The following USP42 variants were observed in gnomAD, a reference collection of about 807,000 sequenced individuals.
USP42 encodes the protein ubiquitin specific peptidase 42.
In USP42, 23 loss-of-function variants were observed where a neutral mutation model predicts 113.0. That is an observed-to-expected ratio of 0.20 (90% CI 0.15 to 0.29). USP42 has a LOEUF of 0.29. Among genes scored for constraint, USP42 ranks in the 10% least tolerant of loss-of-function variants. USP42 has a pLI of 1.00. For synonymous variants in USP42, 933 were observed against 699.0 expected (o/e 1.33, Z -5.28); for missense variants, 2,174 against 1,779.8 (o/e 1.22, Z -3.99).
At chr7:6,124,709 T>A (rs892523582) in intron 3 of USP42, among the ~76,000 whole-genome samples, 2 of 152,036 alleles carry the variant, frequency 1.3e-5, no homozygotes, top group African/African-American at 4.8e-5. Context: ...CATCTTGCTA[T>A]TTTTTTTCCT....
intron 14 of USP42, among the ~76,000 whole-genome samples, chr7:6,152,264 A>C (rs10253805): frequency 1.3e-3 from 194 of 152,194 alleles, no homozygotes; most frequent in South Asian, 1.7e-3. Context: ...GCGCGGGTTC[A>C]TCATCAGGAA....
upstream of USP42, among the ~76,000 whole-genome samples, chr7:6,100,699 T>TTTTTTA (rs1790098486): frequency 6.7e-6 from 1 of 148,898 alleles, no homozygotes; most frequent in Admixed American, 6.7e-5. Flanking sequence ...TTTTTTTTTT[T>TTTTTTA]GAGACGGGAG....
intron 6 of USP42, 123 bp downstream of exon 6, chr7:6,140,318 A>C: frequency 4.4e-6 from 4 of 906,914 alleles, no homozygotes; most frequent in Non-Finnish European, 3.4e-6. Flanking sequence ...CCAGATTCTC[A>C]TTCCTTTTAC....
intron 3 of USP42, among the ~76,000 whole-genome samples, chr7:6,117,701 A>T (rs1018810647): frequency 1.3e-5 from 2 of 152,048 alleles, no homozygotes; most frequent in African/African-American, 4.8e-5. Context: ...CCTTCCCAAT[A>T]CTTGGTGGGG....
Position 6,150,418 on chromosome 7 carries a change from C to G in USP42, c.2113C>G (p.Pro705Ala). The G allele has an allele frequency of 1.2e-6, 2 of 1,613,842 alleles. No homozygotes were observed. Among genetic ancestry groups the G allele is most frequent in the Non-Finnish European group, 1.7e-6 (2 of 1,179,792 alleles). ...KANGLPGKLM[P>A]APLLSLPEDK... ...ATTTTTGTTTTTATTGCAGTTGATG[C>G]CTGCTCCTTTGCTGTCTCTCCCAGA... The change falls in exon 14 of 18, where the codon CCT becomes GCT. Residue 705 changes from proline to alanine, a missense_variant. By Grantham distance (27) the Pro-to-Ala change is conservative. Transcript: ENST00000306177.
intron 3 of USP42, among the ~76,000 whole-genome samples, chr7:6,120,433 G>T (rs1348701545): frequency 6.6e-6 from 1 of 152,104 alleles, no homozygotes; most frequent in Non-Finnish European, 1.5e-5. Context: ...AGTAGAGATG[G>T]GGTTTCACAG....
intron 9 of USP42, among the ~76,000 whole-genome samples, chr7:6,145,243 A>G (rs1355128492): frequency 2.0e-5 from 3 of 151,950 alleles, no homozygotes; most frequent in Admixed American, 6.5e-5. Context: ...AGGCAGGACA[A>G]TCACTTGAAC....
chr7:6,101,198 G>A (rs1790117998), upstream of USP42, among the ~76,000 whole-genome samples: 1 of 150,988 alleles, frequency 6.6e-6, no homozygotes. Context: ...TATAAGCAGC[G>A]AACACCACAG....
chr7:6,155,062 A>T lies in USP42; in HGVS notation c.3508A>T (p.Ser1170Cys). Residue 1170 changes from serine to cysteine, a missense_variant, in exon 15 of 18, where the codon AGT becomes TGT. Transcript: ENST00000306177. ...RKRRHDSVEN[S>C]DSHVEKKARR... ...ACGGAGACACGACAGTGTGGAGAACAGTGACAGTCATGTTGAAAAGAAAGC... is the reference window on the plus strand; with the variant it reads ...ACGGAGACACGACAGTGTGGAGAACTGTGACAGTCATGTTGAAAAGAAAGC... 6.4e-7 allele frequency: 1 copy of T among 1,563,510 alleles called. No individual in the cohort carries two copies. Among genetic ancestry groups the T allele is most frequent in the Non-Finnish European group, 8.7e-7 (1 of 1,153,970 alleles).
At chr7:6,138,056 A>G (rs1583642907) in intron 4 of USP42, among the ~76,000 whole-genome samples, 3 of 152,160 alleles carry the variant, frequency 2.0e-5, no homozygotes, top group African/African-American at 7.2e-5. Context: ...AGAAAATGTC[A>G]TTGCTCTGTG....
intron 1 of USP42, 77 bp downstream of exon 1, chr7:6,105,109 C>A (rs1346001196): frequency 6.8e-6 from 1 of 147,262 alleles, no homozygotes; most frequent in East Asian, 2.0e-4. Flanking sequence ...TGGGCCGCCG[C>A]TGGCTCGGCC....
intron 1 of USP42, among the ~76,000 whole-genome samples, chr7:6,110,677 T>C (rs1006226270): frequency 6.6e-6 from 1 of 152,206 alleles, no homozygotes; most frequent in African/African-American, 2.4e-5. Context: ...ATTTTTTCTG[T>C]GTAGTTGATG....
Position 6,154,091 on chromosome 7 carries a change from C to G in USP42, c.2537C>G (p.Ser846Trp). 1.2e-6 allele frequency: 2 copies of G among 1,605,086 alleles called. No individual in the cohort carries two copies. The highest frequency in any genetic ancestry group is 1.7e-6 in the Non-Finnish European group (2 of 1,178,774). ...ATGATCGCGGAGGGCCCGCGGGACT[C>G]GGCGTTGGCGGAAGCCCCGGAAGGG... ...KGMIAEGPRDSALAEAPEGLS... is the reference protein window; with the variant it reads ...KGMIAEGPRDWALAEAPEGLS... Residue 846 changes from serine to tryptophan, a missense_variant, in exon 15 of 18, where the codon TCG (serine) becomes TGG (tryptophan). By Grantham distance (177) the Ser-to-Trp change is radical. Coordinates refer to ENST00000306177, the MANE Select transcript of USP42 (RefSeq NM_032172.3).
intron 3 of USP42, among the ~76,000 whole-genome samples, chr7:6,123,479 C>T (rs562360820): frequency 2.6e-5 from 4 of 152,030 alleles, no homozygotes; most frequent in African/African-American, 7.2e-5. Flanking sequence ...CTGGCTAACA[C>T]GGTGAAACCC....
At chr7:6,142,873 G>C in intron 7 of USP42, 59 bp from the exon 8 acceptor site, 1 of 1,567,556 alleles carries the variant, frequency 6.4e-7, no homozygotes, top group Non-Finnish European at 8.8e-7. Context: ...GGCAGGGCAA[G>C]ACCCAAACAC....
the USP42 span, among the ~76,000 whole-genome samples, chr7:6,091,277 T>A: frequency 6.6e-6 from 1 of 150,760 alleles, no homozygotes; most frequent in African/African-American, 2.5e-5. Context: ...CAGGCTGGAG[T>A]GAAATGGCAA....
rs1257778872 is a variant in USP42, at chr7:6,111,287, C to A, written c.154C>A (p.Leu52Ile). Reference protein sequence around the residue: ...SSLNDVSNHTLSLGPVPGAVV... With the variant: ...SSLNDVSNHTISLGPVPGAVV... ...ATTGAATGATGTGTCAAATCACACA[C>A]TTTCTTTAGGACCAGTACCTGGTGC... Residue 52 changes from leucine (L) to isoleucine (I), a missense_variant, in exon 2 of 18, where the codon CTT (leucine) becomes ATT (isoleucine). Physicochemically the swap from Leu to Ile is conservative, Grantham distance 5 (BLOSUM62 2). Transcript: ENST00000306177. The A allele has an allele frequency of 6.2e-7, 1 of 1,607,424 alleles. No individual in the cohort carries two copies. Among genetic ancestry groups the A allele is most frequent in the East Asian group, 2.2e-5 (1 of 44,776 alleles).
the USP42 span, among the ~76,000 whole-genome samples, chr7:6,087,890 A>G: frequency 2.0e-5 from 3 of 151,308 alleles, 1 homozygote; most frequent in African/African-American, 7.4e-5. Flanking sequence ...GTAAAATGGA[A>G]GTACTAATTT....
In USP42 at chr7:6,118,491, C is replaced by A. The variant is rs908836713; in HGVS notation, c.442+2968C>A. On this transcript the variant is annotated intron_variant, in intron 3 of 17. Coordinates refer to ENST00000306177, the MANE Select transcript of USP42 (RefSeq NM_032172.3). The stretch of plus-strand genomic sequence containing the variant: ...GAGCCATGATTGTGCCACTTTATTC[C>A]AGTCTGGGTGACAGTAAGACCATGT... 4.6e-5 allele frequency among the ~76,000 whole-genome samples: 7 copies of A among 151,820 alleles called. No homozygotes were observed. In the East Asian group the frequency reaches 1.4e-3, roughly 29 times the overall value.
Sources: allele counts gnomAD v4.1 joint callset (sites outside exome capture counted in the v4.1 genomes callset), GRCh38; gene constraint gnomAD v4.1.1; transcripts MANE v1.5; gene names NCBI Gene and HGNC (gene_info 2026-07-23, HGNC 2026-07-21).